TRPC4: variants seen among roughly 807,000 people sequenced by gnomAD.
TRPC4 encodes short transient receptor potential channel 4.
Under a neutral mutation model 99.4 loss-of-function variants are expected in TRPC4, and 49 were observed. The ratio of observed to expected loss-of-function variants is 0.49; its 90% CI spans 0.39 to 0.63. The LOEUF is 0.63. Ranked by LOEUF, TRPC4 falls within the 20% of genes least tolerant of loss-of-function variation. TRPC4 has a pLI of 0.00. For synonymous variants in TRPC4, 454 were observed against 425.9 expected (o/e 1.07, Z -0.81); for missense variants, 898 against 1,152.9 (o/e 0.78, Z 3.20).
At chr13:37,809,739 T>C (rs528112831) in intron 1 of TRPC4, among the ~76,000 whole-genome samples, 3 of 152,054 alleles carry the variant, frequency 2.0e-5, no homozygotes, top group Non-Finnish European at 4.4e-5. Context: ...GGCTCCAAAC[T>C]CATGAATAAA....
chr13:37,716,635 G>A (rs1954677024), intron 3 of TRPC4, among the ~76,000 whole-genome samples: 1 of 151,852 alleles, frequency 6.6e-6, no homozygotes, highest in East Asian at 1.9e-4. Context: ...TCATTCTGAG[G>A]ACATAAAAGA....
intron 3 of TRPC4, among the ~76,000 whole-genome samples, chr13:37,696,933 T>TTTA (rs1566104165): frequency 1.3e-5 from 2 of 148,636 alleles, no homozygotes; most frequent in African/African-American, 4.9e-5. Context: ...TTTTTTTTTT[T>TTTA]AAATCTTTTA....
chr13:37,862,476 A>G (rs967115419), intron 1 of TRPC4, among the ~76,000 whole-genome samples: 2 of 151,634 alleles, frequency 1.3e-5, no homozygotes, highest in African/African-American at 4.8e-5. Flanking sequence ...TACGGAAAAC[A>G]GTAATTAGTG....
chr13:37,725,896 G>A (rs964450387), intron 3 of TRPC4, among the ~76,000 whole-genome samples: 5 of 152,090 alleles, frequency 3.3e-5, no homozygotes. Flanking sequence ...CAGCAAAAGT[G>A]AGTATGTAGA....
chr13:37,751,792 T>C (rs1036554317), intron 2 of TRPC4, among the ~76,000 whole-genome samples: 2 of 151,912 alleles, frequency 1.3e-5, no homozygotes, highest in Non-Finnish European at 2.9e-5. Context: ...GAGATGACTG[T>C]GTATTTGACA....
chr13:37,794,156 G>A (rs1261654468), intron 1 of TRPC4, among the ~76,000 whole-genome samples: 1 of 151,984 alleles, frequency 6.6e-6, no homozygotes, highest in Non-Finnish European at 1.5e-5. Context: ...ACACTAAAAA[G>A]GAGGTAACTA....
chr13:37,748,635 A>T (rs1414365742), intron 2 of TRPC4, among the ~76,000 whole-genome samples: 3 of 151,674 alleles, frequency 2.0e-5, no homozygotes, highest in Non-Finnish European at 4.4e-5. Context: ...TTGGTCAGTA[A>T]TGATATGGCT....
intron 8 of TRPC4, among the ~76,000 whole-genome samples, chr13:37,644,872 CAAA>C (rs11446579): frequency 8.6e-5 from 7 of 81,500 alleles, no homozygotes; most frequent in African/African-American, 3.0e-4. Context: ...GACTCCATCT[CAAA>C]AAAAAAAAAA....
intron 3 of TRPC4, among the ~76,000 whole-genome samples, chr13:37,731,225 C>G (rs1211816480): frequency 6.6e-6 from 1 of 152,142 alleles, no homozygotes; most frequent in East Asian, 1.9e-4. Flanking sequence ...TATCCCCAAT[C>G]TCCTTGGATG....
intron 1 of TRPC4, among the ~76,000 whole-genome samples, chr13:37,853,271 T>C (rs1182914341): frequency 6.6e-6 from 1 of 152,162 alleles, no homozygotes; most frequent in East Asian, 1.9e-4. Context: ...GAGACTCTTA[T>C]TTGTTTACCT....
chr13:37,764,852 TC>T (rs1593690147), intron 2 of TRPC4, among the ~76,000 whole-genome samples: 1 of 150,732 alleles, frequency 6.6e-6, no homozygotes, highest in African/African-American at 2.4e-5. Flanking sequence ...ATCATGTGTT[TC>T]TTTCACCTTT....
intron 1 of TRPC4, among the ~76,000 whole-genome samples, chr13:37,829,956 G>A (rs1958366613): frequency 6.6e-6 from 1 of 152,158 alleles, no homozygotes; most frequent in Non-Finnish European, 1.5e-5. Context: ...GGAAAAGAAA[G>A]TAGATCAGTG....
chr13:37,747,862 G>A (rs1331745353), intron 2 of TRPC4, among the ~76,000 whole-genome samples: 2 of 152,118 alleles, frequency 1.3e-5, no homozygotes, highest in African/African-American at 4.8e-5. Flanking sequence ...CACACTGCCT[G>A]TTAAGATAGT....
intron 1 of TRPC4, among the ~76,000 whole-genome samples, chr13:37,794,095 C>A (rs754580868): frequency 1.3e-5 from 2 of 151,908 alleles, no homozygotes; most frequent in Non-Finnish European, 2.9e-5. Context: ...AAGTGGTAGT[C>A]ATGGTTAAAA....
Position 37,813,382 on chromosome 13 carries a change from TA to T in TRPC4, c.-27-30023del, listed in dbSNP as rs1158490085. 3.3e-5 allele frequency among the ~76,000 whole-genome samples: 5 copies of T among 151,652 alleles called. No individual in the cohort carries two copies. In the East Asian group the frequency reaches 7.8e-4, roughly 24 times the overall value. On this transcript the variant is annotated intron_variant, in intron 1 of 10. Coordinates refer to ENST00000379705, the MANE Select transcript of TRPC4 (RefSeq NM_016179.4). ...AAATCAAAGCAAGCAGAAGAAATAA[TA>T]TATATTACAGTGGATATAAGTAAAA...
At chr13:37,678,401 A>C (rs2138791979) in intron 4 of TRPC4, among the ~76,000 whole-genome samples, 1 of 152,190 alleles carries the variant, frequency 6.6e-6, no homozygotes, top group East Asian at 1.9e-4. Flanking sequence ...TGATATAAAT[A>C]ATCAATATCA....
At chr13:37,784,587 T>C (rs1956924961) in intron 1 of TRPC4, among the ~76,000 whole-genome samples, 1 of 152,056 alleles carries the variant, frequency 6.6e-6, no homozygotes, top group South Asian at 2.1e-4. Context: ...ATATGTTTGC[T>C]CTGCAAAATT....
intron 1 of TRPC4, among the ~76,000 whole-genome samples, chr13:37,812,500 G>C (rs1386927834): frequency 1.3e-5 from 2 of 151,854 alleles, no homozygotes; most frequent in African/African-American, 4.8e-5. Context: ...AAATATATTG[G>C]ATCATTGGAT....
At chr13:37,670,722 A>G (rs1031838765) in intron 5 of TRPC4, among the ~76,000 whole-genome samples, 1 of 152,232 alleles carries the variant, frequency 6.6e-6, no homozygotes, top group Non-Finnish European at 1.5e-5. Flanking sequence ...CTTATAATTT[A>G]TAGGGTAAAA....
Sources: gnomAD v4.1 joint callset for allele counts (sites outside exome capture counted in the v4.1 genomes callset) on GRCh38, gnomAD v4.1.1 for gene constraint, MANE v1.5 for transcripts, NCBI Gene and HGNC (gene_info 2026-07-23, HGNC 2026-07-21) for gene names.